The following SDK1 variants were observed in gnomAD, a reference collection of about 807,000 sequenced individuals.
The protein encoded by SDK1 is sidekick cell adhesion molecule 1, also known as protein sidekick-1.
A neutral mutation model predicts 245.5 loss-of-function variants in SDK1; 157 were observed. That is an observed-to-expected ratio of 0.64 (90% CI 0.56 to 0.73). The LOEUF (loss-of-function observed/expected upper bound fraction) is 0.73, where lower values mean the gene tolerates loss of function less well. SDK1 is among the 30% of genes least tolerant of loss of function. The pLI is 0.00. For missense variants in SDK1, 3,583 were observed against 3,002.3 expected (o/e 1.19, Z -4.52); for synonymous variants, 1,647 against 1,278.5 (o/e 1.29, Z -6.15).
Position 3,696,624 on chromosome 7 carries a change from T to C in SDK1, c.713+54519T>C, listed in dbSNP as rs569566357. Among the ~76,000 whole-genome samples the C allele has an allele frequency of 4.0e-5, 6 of 151,758 alleles. No individual in the cohort carries two copies. In the South Asian group the frequency reaches 1.2e-3, roughly 32 times the overall value. On this transcript the variant is annotated intron_variant, in intron 4 of 44. Coordinates refer to ENST00000404826, the MANE Select transcript of SDK1 (RefSeq NM_152744.4). ...TGTTGTTACCTACATTTAAGGTTAC[T>C]CAAAAAGCAGCAATAATTGTATCTT...
chr7:4,092,295 C>T (rs1209159711), intron 22 of SDK1, among the ~76,000 whole-genome samples: 1 of 152,200 alleles, frequency 6.6e-6, no homozygotes, highest in African/African-American at 2.4e-5. Context: ...TCCCAGCCTC[C>T]CTCTGTGCTC....
chr7:4,115,608 C>A (rs1243194599), intron 25 of SDK1, among the ~76,000 whole-genome samples: 4 of 152,202 alleles, frequency 2.6e-5, no homozygotes, highest in African/African-American at 7.2e-5. Flanking sequence ...CATGAGTCCT[C>A]CTTTCCTTGG....
rs373266978 is a variant in SDK1, at chr7:4,114,135, C to A, written c.3684C>A (p.Val1228=). 1.9e-6 allele frequency: 3 copies of A among 1,614,066 alleles called. No individual in the cohort carries two copies. The highest frequency in any genetic ancestry group is 2.5e-6 in the Non-Finnish European group (3 of 1,180,034). Residue 1228 remains valine (V), a synonymous_variant, in exon 25 of 45, where the codon GTC becomes GTA. Transcript: ENST00000404826. ...SDLQSSAVAQ[V]VSDRLEREFT... is the part of the protein sequence containing the mutation. ...TCCAGTCCTCAGCAGTGGCCCAAGT[C>A]GTCAGTGACCGGCTGGAGAGAGAAT...
chr7:3,318,201 G>A (rs1779710981), intron 1 of SDK1, among the ~76,000 whole-genome samples: 1 of 152,180 alleles, frequency 6.6e-6, no homozygotes, highest in South Asian at 2.1e-4. Flanking sequence ...GCACACATGG[G>A]TATACCTTGT....
At chr7:3,740,401 G>C (rs1038283101) in intron 4 of SDK1, among the ~76,000 whole-genome samples, 2 of 152,222 alleles carry the variant, frequency 1.3e-5, no homozygotes, top group East Asian at 3.9e-4. Context: ...TTGCTTGTTA[G>C]CCCCAGTTCA....
intron 5 of SDK1, among the ~76,000 whole-genome samples, chr7:3,883,508 T>A (rs1291702815): frequency 6.6e-6 from 1 of 152,150 alleles, no homozygotes. Context: ...ATCACGTCGT[T>A]GCCAAAATGA....
At chr7:3,900,052 C>G (rs1781731445) in intron 5 of SDK1, among the ~76,000 whole-genome samples, 2 of 152,210 alleles carry the variant, frequency 1.3e-5, no homozygotes, top group South Asian at 4.1e-4. Context: ...TAACATTTAA[C>G]AAATACGAAC....
At chr7:3,307,276 C>G in intron 1 of SDK1, among the ~76,000 whole-genome samples, 1 of 151,998 alleles carries the variant, frequency 6.6e-6, no homozygotes, top group East Asian at 1.9e-4. Flanking sequence ...AGCCATAATC[C>G]TGAGGGAGGA....
chr7:3,334,841 T>C (rs1259474824), intron 1 of SDK1, among the ~76,000 whole-genome samples: 1 of 152,172 alleles, frequency 6.6e-6, no homozygotes, highest in Admixed American at 6.5e-5. Context: ...CTCATAGGCT[T>C]CTCACATCTA....
chr7:4,115,168 T>G (rs142688265), intron 25 of SDK1, among the ~76,000 whole-genome samples: 4 of 152,300 alleles, frequency 2.6e-5, no homozygotes, highest in Non-Finnish European at 5.9e-5. Context: ...CTGACCCCGG[T>G]CCCTTCAGTC....
intron 44 of SDK1, among the ~76,000 whole-genome samples, chr7:4,264,433 G>A (rs1431172623): frequency 3.0e-5 from 3 of 98,594 alleles, no homozygotes; most frequent in Non-Finnish European, 4.9e-5. Context: ...ACCTCTCCTG[G>A]GGTAAGGAAG....
intron 22 of SDK1, among the ~76,000 whole-genome samples, chr7:4,097,204 A>G (rs1347786702): frequency 6.7e-6 from 1 of 150,258 alleles, no homozygotes; most frequent in Non-Finnish European, 1.5e-5. Context: ...CAAAGATGGC[A>G]AGACGGCCTG....
intron 3 of SDK1, among the ~76,000 whole-genome samples, chr7:3,639,771 T>A (rs2128651347): frequency 6.6e-6 from 1 of 152,208 alleles, no homozygotes; most frequent in Admixed American, 6.5e-5. Context: ...ATGGACTGTC[T>A]GCTTTATTTT....
chr7:3,592,389 G>T (rs1042192686), intron 1 of SDK1, among the ~76,000 whole-genome samples: 9 of 152,126 alleles, frequency 5.9e-5, no homozygotes, highest in Admixed American at 5.2e-4. Context: ...AAAATGCAAG[G>T]ATCTAGCCTG....
intron 22 of SDK1, among the ~76,000 whole-genome samples, chr7:4,082,449 C>T (rs1296135217): frequency 6.6e-6 from 1 of 150,880 alleles, no homozygotes; most frequent in Non-Finnish European, 1.5e-5. Context: ...GCAGGAGAAT[C>T]GCTTGAACCT....
intron 1 of SDK1, among the ~76,000 whole-genome samples, chr7:3,610,682 A>T (rs752844796): frequency 2.0e-5 from 3 of 152,238 alleles, no homozygotes; most frequent in Non-Finnish European, 4.4e-5. Context: ...ATGGTTTCTT[A>T]GGGGAAAATA....
chr7:4,188,991 T>C (rs1288953720), intron 35 of SDK1, among the ~76,000 whole-genome samples: 1 of 152,220 alleles, frequency 6.6e-6, no homozygotes, highest in Non-Finnish European at 1.5e-5. Flanking sequence ...GCTTGTCTTA[T>C]TCCTCTTTGT....
rs116502461 is a variant in SDK1 at position 3,760,200 on chromosome 7, G to C, written c.714-61250G>C. ...ATTTCTCGAGGTCTCGGCCATTTGG[G>C]TGGCTGCATATACAGTGATGATCCA... On this transcript the variant is annotated intron_variant, in intron 4 of 44. Transcript: ENST00000404826. Among the ~76,000 whole-genome samples, 306 of 152,226 alleles carry C rather than the reference G, an allele frequency of 2.0e-3. 1 individual carries two copies. The highest frequency in any genetic ancestry group is 7.0e-3 in the African/African-American group (292 of 41,532).
intron 1 of SDK1, among the ~76,000 whole-genome samples, chr7:3,437,469 C>T (rs574792838): frequency 6.6e-6 from 1 of 152,230 alleles, no homozygotes; most frequent in African/African-American, 2.4e-5. Context: ...CATGTGCCAG[C>T]AGTCAAAATT....
Sources: gnomAD v4.1 joint callset for allele counts (sites outside exome capture counted in the v4.1 genomes callset) on GRCh38, gnomAD v4.1.1 for gene constraint, MANE v1.5 for transcripts, NCBI Gene and HGNC (gene_info 2026-07-23, HGNC 2026-07-21) for gene names.